ZNF385D: variants seen among roughly 807,000 people sequenced by gnomAD.
ZNF385D encodes zinc finger protein 659.
Under a neutral mutation model 35.8 loss-of-function variants are expected in ZNF385D, and 15 were observed. That is an observed-to-expected ratio of 0.42 (90% CI 0.28 to 0.64). The LOEUF is 0.64. Ranked by LOEUF, ZNF385D falls within the 30% of genes least tolerant of loss-of-function variation. ZNF385D has a pLI of 0.23. For synonymous variants in ZNF385D, 212 were observed against 186.8 expected (o/e 1.13, Z -1.10); for missense variants, 474 against 494.6 (o/e 0.96, Z 0.39).
intron 3 of ZNF385D, among the ~76,000 whole-genome samples, chr3:21,992,337 C>G (rs1439095476): frequency 6.6e-6 from 1 of 151,976 alleles, no homozygotes; most frequent in Non-Finnish European, 1.5e-5. Flanking sequence ...CACACTCTAG[C>G]TATTATCTAT....
intron 2 of ZNF385D, among the ~76,000 whole-genome samples, chr3:22,284,019 G>C (rs1701900033): frequency 6.6e-6 from 1 of 152,080 alleles, no homozygotes; most frequent in Admixed American, 6.6e-5. Flanking sequence ...CCATTATGCA[G>C]TGTGGATACT....
intron 3 of ZNF385D, among the ~76,000 whole-genome samples, chr3:22,103,179 T>A (rs1439688293): frequency 6.6e-6 from 1 of 150,742 alleles, no homozygotes; most frequent in Non-Finnish European, 1.5e-5. Context: ...ACCTCTCTGA[T>A]CACTGCGAAA....
At chr3:22,178,189 A>C (rs1362318371) in intron 2 of ZNF385D, among the ~76,000 whole-genome samples, 1 of 152,202 alleles carries the variant, frequency 6.6e-6, no homozygotes, top group Non-Finnish European at 1.5e-5. Context: ...GAACTAGTTT[A>C]CAGTCCCACC....
At chr3:22,198,984 C>T (rs1696602689) in intron 2 of ZNF385D, among the ~76,000 whole-genome samples, 1 of 151,980 alleles carries the variant, frequency 6.6e-6, no homozygotes. Context: ...ATATAAATTC[C>T]ACATCTACTA....
intron 4 of ZNF385D, among the ~76,000 whole-genome samples, chr3:21,488,315 T>C (rs891548459): frequency 2.8e-5 from 4 of 145,068 alleles, no homozygotes; most frequent in Non-Finnish European, 6.0e-5. Context: ...GGGTTTTAAA[T>C]TGAATCTAAT....
At chr3:22,030,283 A>ATATATATGTATG (rs1559316557) in intron 3 of ZNF385D, among the ~76,000 whole-genome samples, 4 of 97,974 alleles carry the variant, frequency 4.1e-5, no homozygotes, top group African/African-American at 1.2e-4. Context: ...ATATATATAT[A>ATATATATGTATG]TATATATATA....
At chr3:21,920,938 AG>A (rs926160635) in intron 3 of ZNF385D, among the ~76,000 whole-genome samples, 2 of 152,160 alleles carry the variant, frequency 1.3e-5, no homozygotes, top group African/African-American at 4.8e-5. Flanking sequence ...ACACTGGGTA[AG>A]GCGCAGTGGC....
chr3:22,282,274 C>T (rs1277622506), intron 2 of ZNF385D, among the ~76,000 whole-genome samples: 1 of 151,626 alleles, frequency 6.6e-6, no homozygotes, highest in African/African-American at 2.4e-5. Flanking sequence ...TTTTCTTCTG[C>T]TGGGTTTGGT....
intron 3 of ZNF385D, among the ~76,000 whole-genome samples, chr3:21,852,869 C>T (rs1448759824): frequency 2.0e-5 from 3 of 151,834 alleles, no homozygotes; most frequent in Non-Finnish European, 4.4e-5. Context: ...AATGTTCTCT[C>T]TAAAGCCCCT....
At chr3:21,849,928 G>A (rs1488091300) in intron 3 of ZNF385D, among the ~76,000 whole-genome samples, 1 of 151,868 alleles carries the variant, frequency 6.6e-6, no homozygotes, top group East Asian at 1.9e-4. Flanking sequence ...TTGTTTTGTA[G>A]GGATAGGGTC....
At chr3:21,891,508 C>A (rs1388098688) in intron 3 of ZNF385D, among the ~76,000 whole-genome samples, 1 of 151,992 alleles carries the variant, frequency 6.6e-6, no homozygotes, top group Non-Finnish European at 1.5e-5. Flanking sequence ...TGTTTACTAT[C>A]TTTTTTCCTC....
chr3:21,880,504 T>G (rs192481896), intron 3 of ZNF385D, among the ~76,000 whole-genome samples: 1 of 152,018 alleles, frequency 6.6e-6, no homozygotes, highest in African/African-American at 2.4e-5. Flanking sequence ...GCAAACTTCA[T>G]TGATAAATGT....
At chr3:22,088,115 G>A (rs987781962) in intron 3 of ZNF385D, among the ~76,000 whole-genome samples, 9 of 152,124 alleles carry the variant, frequency 5.9e-5, no homozygotes, top group South Asian at 2.1e-4. Flanking sequence ...ATAAATCAAC[G>A]CAAAGCATGG....
chr3:22,078,313 C>T (rs928187671), intron 3 of ZNF385D, among the ~76,000 whole-genome samples: 3 of 152,008 alleles, frequency 2.0e-5, no homozygotes, highest in African/African-American at 4.8e-5. Flanking sequence ...ATGACTGCAT[C>T]GCATTGCAAT....
At chr3:21,691,130 T>A (rs2067270934) in intron 1 of ZNF385D, among the ~76,000 whole-genome samples, 2 of 152,080 alleles carry the variant, frequency 1.3e-5, no homozygotes, top group Admixed American at 1.3e-4. Context: ...GTACCCTCAA[T>A]TCCCTCAACT....
At chr3:22,258,474 T>C (rs1302847788) in intron 2 of ZNF385D, among the ~76,000 whole-genome samples, 2 of 151,732 alleles carry the variant, frequency 1.3e-5, no homozygotes, top group African/African-American at 4.8e-5. Flanking sequence ...ATCATGAAAA[T>C]TGCTTGGGTT....
intron 3 of ZNF385D, among the ~76,000 whole-genome samples, chr3:22,062,530 T>C (rs1699745110): frequency 6.6e-6 from 1 of 152,194 alleles, no homozygotes; most frequent in Non-Finnish European, 1.5e-5. Context: ...GAGCCTAACT[T>C]GTGATCAAAA....
At chr3:21,648,880 A>C (rs2065830273) in intron 2 of ZNF385D, among the ~76,000 whole-genome samples, 2 of 152,158 alleles carry the variant, frequency 1.3e-5, no homozygotes, top group South Asian at 4.1e-4. Flanking sequence ...ACTTAGTAGT[A>C]TTTTCCCCAC....
At chr3:22,236,074 C>G (rs1001067949) in intron 2 of ZNF385D, among the ~76,000 whole-genome samples, 5 of 151,908 alleles carry the variant, frequency 3.3e-5, no homozygotes, top group Non-Finnish European at 7.4e-5. Context: ...AGGAACCTGA[C>G]ACATCTGGAA....
Sources: allele counts gnomAD v4.1 joint callset (sites outside exome capture counted in the v4.1 genomes callset), GRCh38; gene constraint gnomAD v4.1.1; transcripts MANE v1.5; gene names NCBI Gene and HGNC (gene_info 2026-07-23, HGNC 2026-07-21).